The following PEAK1 variants were observed in gnomAD, a reference collection of about 807,000 sequenced individuals.
PEAK1 encodes the protein inactive tyrosine-protein kinase PEAK1.
A neutral mutation model predicts 124.7 loss-of-function variants in PEAK1; 54 were observed. The observed-to-expected ratio is 0.43, with a 90% CI of 0.35 to 0.54. The LOEUF is 0.54. Ranked by LOEUF, PEAK1 falls within the 20% of genes least tolerant of loss-of-function variation. PEAK1 has a pLI of 0.01. For synonymous variants in PEAK1, 719 were observed against 760.0 expected, an observed-to-expected ratio of 0.95 and a Z score of 0.89; for missense variants, 2,046 against 2,134.5, an observed-to-expected ratio of 0.96 and a Z score of 0.82.
rs564830481 is a variant in PEAK1, at chr15:77,151,721, C to A, written c.3331+6782G>T. On this transcript the variant is annotated intron_variant, in intron 8 of 9. Transcript: ENST00000682557. ...AAGGAAGGGATCCAGTTTCAGCTTTCTACATATGGCTAGCCAGTTTTCCCA... is the reference window on the plus strand; with the variant it reads ...AAGGAAGGGATCCAGTTTCAGCTTTATACATATGGCTAGCCAGTTTTCCCA... Among the ~76,000 whole-genome samples, 3 of 152,296 alleles carry A rather than the reference C, an allele frequency of 2.0e-5. No individual in the cohort carries two copies. In the East Asian group the frequency reaches 5.8e-4, roughly 29 times the overall value.
rs111531422 is a variant in PEAK1, at chr15:77,145,357, G to A, written c.3332-11607C>T. Among the ~76,000 whole-genome samples the A allele has an allele frequency of 4.9e-3, 748 of 152,148 alleles. 8 individuals are homozygous for A. The highest frequency in any genetic ancestry group is 0.017 in the African/African-American group (698 of 41,518). ...CCAGATATTCGGGAGGTTGAGGCAT[G>A]AGAATCGCTTGAACCTGGGAAGTGG... is the stretch of plus-strand genomic sequence containing the variant. On this transcript the variant is annotated intron_variant, in intron 8 of 9. Transcript: ENST00000682557.
chr15:77,299,125 ATTCT>A (rs1219277434), intron 2 of PEAK1, among the ~76,000 whole-genome samples: 2 of 152,176 alleles, frequency 1.3e-5, no homozygotes, highest in Non-Finnish European at 2.9e-5. Context: ...TCTTACAATA[ATTCT>A]TTCCACAATC....
At chr15:77,385,598 C>T (rs1033429241) in intron 1 of PEAK1, among the ~76,000 whole-genome samples, 4 of 152,226 alleles carry the variant, frequency 2.6e-5, no homozygotes, top group African/African-American at 9.6e-5. Flanking sequence ...CCAGATACTT[C>T]GAGACCCCTA....
At chr15:77,239,094 G>C (rs1157954722) in intron 6 of PEAK1, among the ~76,000 whole-genome samples, 1 of 152,180 alleles carries the variant, frequency 6.6e-6, no homozygotes, top group Non-Finnish European at 1.5e-5. Flanking sequence ...GTAGTAGCAA[G>C]GAGAGGTTGC....
chr15:77,314,649 T>C (rs1008297401), intron 2 of PEAK1, among the ~76,000 whole-genome samples: 3 of 152,204 alleles, frequency 2.0e-5, no homozygotes, highest in African/African-American at 7.2e-5. Flanking sequence ...ATTACACATG[T>C]GAGCCACTGC....
intron 2 of PEAK1, chr15:77,349,713 C>G (rs987612788): frequency 2.4e-5 from 24 of 985,182 alleles, no homozygotes; most frequent in Non-Finnish European, 2.8e-5. Flanking sequence ...TTCAAGCTAA[C>G]CCTTCTATAA....
At chr15:77,400,831 T>C (rs1443761616) in intron 1 of PEAK1, among the ~76,000 whole-genome samples, 2 of 152,134 alleles carry the variant, frequency 1.3e-5, no homozygotes, top group Non-Finnish European at 2.9e-5. Context: ...AGAAAAATAT[T>C]GAAGGAAGAT....
chr15:77,115,999 T>C (rs952909420), intron 9 of PEAK1, among the ~76,000 whole-genome samples: 3 of 152,212 alleles, frequency 2.0e-5, no homozygotes, highest in Non-Finnish European at 4.4e-5. Context: ...CTGAGTTTTA[T>C]GCTTTCTCTT....
chr15:77,133,080 T>G lies in PEAK1; in HGVS notation c.4002A>C (p.Pro1334=), dbSNP rs368883722. 1 of 1,614,212 alleles carries G rather than the reference T, an allele frequency of 6.2e-7. No individual in the cohort carries two copies. The change falls in exon 9 of 10, where the codon CCA becomes CCC. Residue 1334 remains proline (P), a synonymous_variant. Transcript: ENST00000682557. The surrounding 1 kb of genome is among the most constrained non-coding windows in gnomAD (Gnocchi z 4.2). ...AAACCGCATCACCTGCCTCACAACATGGTTTGTCACTGGTTAGCCTGAAGT... is the reference window on the plus strand; with the variant it reads ...AAACCGCATCACCTGCCTCACAACAGGGTTTGTCACTGGTTAGCCTGAAGT... The part of the protein sequence containing the change: ...WSDFRLTSDK[P]CCEAGDAVYY...
At chr15:77,224,828 A>C (rs531522554) in intron 6 of PEAK1, among the ~76,000 whole-genome samples, 5 of 151,862 alleles carry the variant, frequency 3.3e-5, no homozygotes, top group South Asian at 2.1e-4. Flanking sequence ...CATCCAATCT[A>C]TCATGAAATC....
Position 77,179,098 on chromosome 15 carries a change from T to C in PEAK1, c.2829A>G (p.Lys943=). Residue 943 remains lysine, a synonymous_variant, in exon 7 of 10, where the codon AAA becomes AAG. Transcript: ENST00000682557. ...RRRKTDEEDD[K]EKEREKGKLV... The stretch of plus-strand genomic sequence containing the variant: ...GTTTCCCTTTCTCTCGCTCTTTCTC[T>C]TTGTCATCCTCCTCATCTGTTTTCC... 1 of 1,614,184 alleles carries C rather than the reference T, an allele frequency of 6.2e-7. No individual in the cohort carries two copies. The highest frequency in any genetic ancestry group is 8.5e-7 in the Non-Finnish European group (1 of 1,180,018).
chr15:77,376,149 T>TA (rs1176336572), intron 1 of PEAK1, among the ~76,000 whole-genome samples: 1 of 151,920 alleles, frequency 6.6e-6, no homozygotes, highest in African/African-American at 2.4e-5. Flanking sequence ...ACAGTTCACT[T>TA]AAAAAAATCA....
At chr15:77,139,606 C>T (rs1222160756) in intron 8 of PEAK1, among the ~76,000 whole-genome samples, 1 of 152,060 alleles carries the variant, frequency 6.6e-6, no homozygotes, top group African/African-American at 2.4e-5. Context: ...CCATTGTTGA[C>T]CAAAACATCA....
intron 1 of PEAK1, among the ~76,000 whole-genome samples, chr15:77,383,888 T>C (rs2069695400): frequency 6.6e-6 from 1 of 152,184 alleles, no homozygotes; most frequent in African/African-American, 2.4e-5. Context: ...TTTAACTCAG[T>C]TACTCTCTCT....
intron 6 of PEAK1, among the ~76,000 whole-genome samples, chr15:77,212,345 T>C (rs1365782352): frequency 2.6e-5 from 4 of 152,206 alleles, no homozygotes; most frequent in Admixed American, 6.5e-5. Flanking sequence ...TATAGAACTG[T>C]TGGTCCAGTT....
At chr15:77,223,421 G>A (rs1295735774) in intron 6 of PEAK1, among the ~76,000 whole-genome samples, 1 of 151,952 alleles carries the variant, frequency 6.6e-6, no homozygotes, top group Non-Finnish European at 1.5e-5. Flanking sequence ...GGGATAAAAT[G>A]CATTTGTAAG....
At chr15:77,292,107 C>T (rs566674205) in intron 2 of PEAK1, among the ~76,000 whole-genome samples, 1 of 152,154 alleles carries the variant, frequency 6.6e-6, no homozygotes, top group South Asian at 2.1e-4. Context: ...CACATGCACA[C>T]ACACACAATG....
intron 2 of PEAK1, chr15:77,352,230 A>G (rs2086982880): frequency 2.0e-6 from 2 of 985,204 alleles, no homozygotes; most frequent in South Asian, 9.4e-5. Context: ...TAAAATCACT[A>G]CTATCCTTAG....
intron 1 of PEAK1, among the ~76,000 whole-genome samples, chr15:77,396,337 G>A (rs1309827955): frequency 6.6e-6 from 1 of 151,874 alleles, no homozygotes; most frequent in African/African-American, 2.4e-5. Context: ...AAGGAAGACA[G>A]AAAGGAAGGA....
Sources: allele counts gnomAD v4.1 joint callset (sites outside exome capture counted in the v4.1 genomes callset), GRCh38; gene constraint gnomAD v4.1.1; non-coding constraint Gnocchi (gnomAD v3.1); transcripts MANE v1.5; gene names NCBI Gene and HGNC (gene_info 2026-07-23, HGNC 2026-07-21).